The following DIAPH2 variants were observed in gnomAD, a reference collection of about 807,000 sequenced individuals.
DIAPH2 encodes the protein diaphanous related formin 2, also known as protein diaphanous homolog 2.
In DIAPH2, 35 loss-of-function variants were observed where a neutral mutation model predicts 92.7. The observed-to-expected ratio is 0.38, with a 90% confidence interval of 0.29 to 0.50. The LOEUF is 0.50. DIAPH2 is among the 20% of genes least tolerant of loss of function. DIAPH2 has a pLI of 0.94. For synonymous variants in DIAPH2, 301 were observed against 280.4 expected, an observed-to-expected ratio of 1.07 and a Z score of -0.73; for missense variants, 701 against 819.5, an observed-to-expected ratio of 0.86 and a Z score of 1.77.
At chrX:97,584,721 T>C (rs181424893) in intron 26 of DIAPH2, among the ~76,000 whole-genome samples, 53 of 112,515 alleles carry the variant, frequency 4.7e-4, no homozygotes, top group African/African-American at 1.7e-3. Flanking sequence ...TAAAGTTGTG[T>C]TGCTCACATG....
intron 21 of DIAPH2, among the ~76,000 whole-genome samples, chrX:97,132,326 G>A (rs763146824): frequency 8.9e-6 from 1 of 111,774 alleles, no homozygotes; most frequent in Admixed American, 9.5e-5. Flanking sequence ...GGCTGAATTA[G>A]TGTCAGCCCT....
intron 22 of DIAPH2, among the ~76,000 whole-genome samples, chrX:97,234,410 C>G (rs1291282040): frequency 5.5e-5 from 6 of 109,500 alleles, no homozygotes; most frequent in Non-Finnish European, 9.5e-5. Flanking sequence ...TGTTTTCTCT[C>G]TGTTTCCATA....
intron 5 of DIAPH2, among the ~76,000 whole-genome samples, chrX:96,909,102 A>G (rs1282489038): frequency 9.0e-6 from 1 of 111,410 alleles, no homozygotes; most frequent in African/African-American, 3.3e-5. Flanking sequence ...TAAAACATAC[A>G]CTTCTATCTT....
chrX:96,776,504 C>G (rs1438587793), intron 4 of DIAPH2, among the ~76,000 whole-genome samples: 1 of 110,108 alleles, frequency 9.1e-6, no homozygotes, highest in Non-Finnish European at 1.9e-5. Context: ...AGTCACCATG[C>G]CTGGCTGCTT....
chrX:97,008,067 G>T (rs753402428), intron 17 of DIAPH2, among the ~76,000 whole-genome samples: 16 of 99,891 alleles, frequency 1.6e-4, no homozygotes, highest in Non-Finnish European at 3.0e-4. Context: ...TGGCCTTAAG[G>T]CTGTTTTCTA....
intron 17 of DIAPH2, among the ~76,000 whole-genome samples, chrX:96,977,673 GTTAA>G (rs1202212375): frequency 9.0e-6 from 1 of 110,509 alleles, no homozygotes; most frequent in African/African-American, 3.3e-5. Flanking sequence ...ATTATTCTAA[GTTAA>G]TTAGTTTTTT....
At chrX:97,418,597 AG>A (rs1296217507) in intron 25 of DIAPH2, among the ~76,000 whole-genome samples, 1 of 111,647 alleles carries the variant, frequency 9.0e-6, no homozygotes, top group African/African-American at 3.3e-5. Context: ...CTTCCTGATT[AG>A]GCTTGTGTTT....
chrX:97,555,934 T>C (rs2071253665), intron 26 of DIAPH2, among the ~76,000 whole-genome samples: 1 of 112,129 alleles, frequency 8.9e-6, no homozygotes, highest in African/African-American at 3.2e-5. Context: ...TCTACCATTC[T>C]ACCACAGACC....
At chrX:97,430,904 C>T (rs894318837) in intron 26 of DIAPH2, among the ~76,000 whole-genome samples, 1 of 111,760 alleles carries the variant, frequency 8.9e-6, no homozygotes, top group Non-Finnish European at 1.9e-5. Context: ...TATGGATGGT[C>T]CCTGAGAGAT....
At chrX:97,347,724 G>C (rs943793030) in intron 23 of DIAPH2, among the ~76,000 whole-genome samples, 2 of 111,154 alleles carry the variant, frequency 1.8e-5, no homozygotes, top group Non-Finnish European at 3.8e-5. Context: ...ATGTACCTCA[G>C]AATGTGACTA....
intron 4 of DIAPH2, among the ~76,000 whole-genome samples, chrX:96,832,732 C>T (rs1318460509): frequency 9.0e-6 from 1 of 111,124 alleles, no homozygotes; most frequent in Non-Finnish European, 1.9e-5. Flanking sequence ...GGGAAAGTTC[C>T]CTGAAAGTCT....
chrX:96,751,002 T>G (rs1169679124), intron 3 of DIAPH2, among the ~76,000 whole-genome samples: 1 of 112,357 alleles, frequency 8.9e-6, no homozygotes, highest in Non-Finnish European at 1.9e-5. Context: ...GTTTACAAAG[T>G]ATCACTAAGG....
chrX:97,590,390 G>A (rs186779892), intron 26 of DIAPH2, among the ~76,000 whole-genome samples: 91 of 111,846 alleles, frequency 8.1e-4, no homozygotes, highest in Admixed American at 4.0e-3. Flanking sequence ...GTAGATACAT[G>A]GTCTTAGAGT....
chrX:97,523,953 T>G (rs1326246390), intron 26 of DIAPH2, among the ~76,000 whole-genome samples: 1 of 112,038 alleles, frequency 8.9e-6, no homozygotes, highest in Non-Finnish European at 1.9e-5. Flanking sequence ...AGAATTAGAT[T>G]TCTTTTAAGA....
intron 26 of DIAPH2, among the ~76,000 whole-genome samples, chrX:97,507,051 G>A (rs2070840222): frequency 9.6e-6 from 1 of 104,624 alleles, no homozygotes; most frequent in African/African-American, 3.5e-5. Context: ...GGCCCACAAA[G>A]GCTAAAATAT....
intron 24 of DIAPH2, among the ~76,000 whole-genome samples, chrX:97,368,826 C>G (rs753291608): frequency 1.5e-3 from 164 of 107,700 alleles, no homozygotes; most frequent in African/African-American, 5.3e-3. Context: ...CTGTAATAGG[C>G]TTATAGTTAA....
At chrX:97,131,149 C>T (rs2067135398) in intron 21 of DIAPH2, among the ~76,000 whole-genome samples, 1 of 110,458 alleles carries the variant, frequency 9.1e-6, no homozygotes, top group Non-Finnish European at 1.9e-5. Context: ...GCAGCATTAT[C>T]TGTAATTATA....
At chrX:97,343,342 G>A (rs1184763086) in intron 23 of DIAPH2, among the ~76,000 whole-genome samples, 3 of 111,370 alleles carry the variant, frequency 2.7e-5, no homozygotes, top group Admixed American at 9.5e-5. Context: ...AGAGGGCTCA[G>A]GACCAAGCCC....
chrX:96,784,305 A>T (rs2064439479), intron 4 of DIAPH2, among the ~76,000 whole-genome samples: 2 of 112,209 alleles, frequency 1.8e-5, no homozygotes, highest in Non-Finnish European at 3.8e-5. Flanking sequence ...AAATACTAAG[A>T]TCCATATTAT....
Sources: allele counts gnomAD v4.1 joint callset (sites outside exome capture counted in the v4.1 genomes callset), GRCh38; gene constraint gnomAD v4.1.1; transcripts MANE v1.5; gene names NCBI Gene and HGNC (gene_info 2026-07-23, HGNC 2026-07-21).